DPP6: variants seen among roughly 807,000 people sequenced by gnomAD.
DPP6 encodes dipeptidyl peptidase like 6, also known as A-type potassium channel modulatory protein DPP6.
A neutral mutation model predicts 122.6 loss-of-function variants in DPP6; 69 were observed. The ratio of observed to expected loss-of-function variants is 0.56; its 90% CI spans 0.46 to 0.69. The LOEUF (loss-of-function observed/expected upper bound fraction) is 0.69, where lower values mean the gene tolerates loss of function less well. Among genes scored for constraint, DPP6 ranks in the 30% least tolerant of loss-of-function variants. The pLI, the probability that DPP6 is intolerant of heterozygous loss-of-function variation, is 0.00. For missense variants in DPP6, 928 were observed against 1,116.9 expected (o/e 0.83, Z 2.41); for synonymous variants, 418 against 433.1 (o/e 0.97, Z 0.43).
At chr7:154,044,853 C>A (rs184739773) in intron 1 of DPP6, among the ~76,000 whole-genome samples, 141 of 152,214 alleles carry the variant, frequency 9.3e-4, no homozygotes, top group Non-Finnish European at 1.8e-3. Context: ...TGAGTCCAAA[C>A]TAGAGGCACG....
At chr7:154,449,410 C>G (rs1235908013) in intron 2 of DPP6, among the ~76,000 whole-genome samples, 1 of 151,944 alleles carries the variant, frequency 6.6e-6, no homozygotes, top group Admixed American at 6.6e-5. Flanking sequence ...TTATAAGAAC[C>G]AAACACAAAC....
At chr7:153,924,015 T>C (rs1800771947) in intron 1 of DPP6, among the ~76,000 whole-genome samples, 1 of 152,178 alleles carries the variant, frequency 6.6e-6, no homozygotes, top group African/African-American at 2.4e-5. Context: ...CATACGTGTC[T>C]ACAGTCATTT....
intron 1 of DPP6, among the ~76,000 whole-genome samples, chr7:154,218,256 G>T (rs1800113219): frequency 6.6e-6 from 1 of 152,098 alleles, no homozygotes; most frequent in African/African-American, 2.4e-5. Flanking sequence ...AGAATCTGGG[G>T]TCCCTAATCC....
intron 1 of DPP6, among the ~76,000 whole-genome samples, chr7:154,423,904 C>T (rs917117295): frequency 2.6e-5 from 4 of 152,172 alleles, no homozygotes; most frequent in African/African-American, 9.7e-5. Context: ...GGCAAAGAAA[C>T]ATAGAGGATG....
chr7:154,421,544 G>A (rs1037947754), intron 1 of DPP6, among the ~76,000 whole-genome samples: 23 of 152,144 alleles, frequency 1.5e-4, no homozygotes, highest in Admixed American at 1.3e-3. Context: ...GGCTGGTCTT[G>A]AACTCCTGAC....
intron 1 of DPP6, among the ~76,000 whole-genome samples, chr7:154,362,234 G>A (rs1261440759): frequency 6.6e-6 from 1 of 152,182 alleles, no homozygotes; most frequent in African/African-American, 2.4e-5. Flanking sequence ...GCACAGACCT[G>A]GAAACAGCTT....
At chr7:154,181,466 C>G (rs1403356048) in intron 1 of DPP6, among the ~76,000 whole-genome samples, 1 of 152,260 alleles carries the variant, frequency 6.6e-6, no homozygotes, top group East Asian at 1.9e-4. Flanking sequence ...GTGAATGCCT[C>G]TGTAGAGAGA....
intron 1 of DPP6, among the ~76,000 whole-genome samples, chr7:154,166,461 C>T (rs1159937643): frequency 7.2e-5 from 11 of 151,998 alleles, no homozygotes; most frequent in African/African-American, 1.9e-4. Context: ...CCGACAAAGA[C>T]GGGCACCTGG....
At chr7:154,170,658 T>C (rs1279786059) in intron 1 of DPP6, among the ~76,000 whole-genome samples, 2 of 152,222 alleles carry the variant, frequency 1.3e-5, no homozygotes, top group Non-Finnish European at 2.9e-5. Flanking sequence ...TTCTGAAACC[T>C]CACCATTTCC....
At chr7:153,905,280 G>A (rs188848274) in intron 1 of DPP6, among the ~76,000 whole-genome samples, 1 of 152,292 alleles carries the variant, frequency 6.6e-6, no homozygotes, top group Admixed American at 6.5e-5. Flanking sequence ...ATTATGTTGG[G>A]AGAGAGGATC....
At chr7:154,269,401 C>G (rs150682883) in intron 1 of DPP6, among the ~76,000 whole-genome samples, 1 of 152,142 alleles carries the variant, frequency 6.6e-6, no homozygotes, top group African/African-American at 2.4e-5. Context: ...TAGCCTAGTG[C>G]GATGTCAGGT....
At chr7:153,848,841 T>C in the DPP6 span, among the ~76,000 whole-genome samples, 2 of 152,232 alleles carry the variant, frequency 1.3e-5, no homozygotes. Flanking sequence ...TTACTACTAA[T>C]TTGGCTCAGG....
the DPP6 span, among the ~76,000 whole-genome samples, chr7:153,798,243 A>G: frequency 3.9e-5 from 6 of 152,204 alleles, no homozygotes; most frequent in Non-Finnish European, 8.8e-5. Context: ...TTCCCAATGC[A>G]TTGAAGGTTA....
intron 7 of DPP6, among the ~76,000 whole-genome samples, chr7:154,678,412 G>T (rs975263188): frequency 6.6e-6 from 1 of 152,156 alleles, no homozygotes; most frequent in African/African-American, 2.4e-5. Context: ...AAACCCACAG[G>T]GAAGAACAAA....
intron 1 of DPP6, among the ~76,000 whole-genome samples, chr7:154,378,572 T>G (rs556259293): frequency 5.3e-5 from 8 of 152,284 alleles, no homozygotes; most frequent in Middle Eastern, 3.4e-3. Flanking sequence ...GCCTTCTTGT[T>G]GTAGCCTTAC....
intron 5 of DPP6, among the ~76,000 whole-genome samples, chr7:154,610,822 C>T (rs1833870899): frequency 6.6e-6 from 1 of 151,846 alleles, no homozygotes; most frequent in Non-Finnish European, 1.5e-5. Flanking sequence ...GATTTTCACC[C>T]TTATTCACTC....
chr7:153,974,356 C>T (rs1463653732), intron 1 of DPP6, among the ~76,000 whole-genome samples: 2 of 152,102 alleles, frequency 1.3e-5, no homozygotes, highest in Admixed American at 6.5e-5. Flanking sequence ...CATGGAGCTT[C>T]GTATTTTCAG....
intron 1 of DPP6, among the ~76,000 whole-genome samples, chr7:154,253,079 T>C (rs1802447954): frequency 6.6e-6 from 1 of 152,208 alleles, no homozygotes; most frequent in Non-Finnish European, 1.5e-5. Context: ...TAAACGCATG[T>C]ATATACAATT....
chr7:154,019,522 C>G (rs1159115884), intron 1 of DPP6, among the ~76,000 whole-genome samples: 4 of 151,688 alleles, frequency 2.6e-5, no homozygotes, highest in Non-Finnish European at 4.4e-5. Flanking sequence ...GTTTTCAACA[C>G]CAGGCTCCAT....
Sources: allele counts gnomAD v4.1 joint callset (sites outside exome capture counted in the v4.1 genomes callset), GRCh38; gene constraint gnomAD v4.1.1; transcripts MANE v1.5; gene names NCBI Gene and HGNC (gene_info 2026-07-23, HGNC 2026-07-21).